MROH1: variants seen among roughly 807,000 people sequenced by gnomAD.
The protein encoded by MROH1 is maestro heat like repeat family member 1, also known as maestro heat-like repeat-containing protein family member 1.
MROH1 carries 117 observed loss-of-function variants against 116.5 expected under a neutral mutation model. That is an observed-to-expected ratio of 1.00 (90% CI 0.86 to 1.17). MROH1 has a LOEUF of 1.17. Ranked by LOEUF, MROH1 falls within the 50% of genes most tolerant of loss-of-function variation. The probability of loss-of-function intolerance (pLI) is 0.00; values close to 1 mark genes in which losing one functional copy is unlikely to be tolerated. For synonymous variants in MROH1, 921 were observed against 583.9 expected, an observed-to-expected ratio of 1.58 and a Z score of -8.32; for missense variants, 1,873 against 1,338.5, an observed-to-expected ratio of 1.40 and a Z score of -6.23.
In MROH1 at chr8:144,222,495, CGCAGGT is replaced by C. The variant is rs778037007; in HGVS notation, c.1216-600_1216-595del. On this transcript the variant is annotated intron_variant, in intron 13 of 43. Transcript: ENST00000326134. Reference sequence around the variant, plus strand: ...GGACAGAGAAAAAAGCAGACACAGGCGCAGGTGCAGGTGCAGGTACAGGTACATCCA... The same window carrying C: ...GGACAGAGAAAAAAGCAGACACAGGCGCAGGTGCAGGTACAGGTACATCCA... Among the ~76,000 whole-genome samples the C allele has an allele frequency of 5.3e-5, 8 of 152,084 alleles. 1 individual carries two copies. The South Asian group carries it at 1.2e-3, about 24-fold the overall frequency.
intron 1 of MROH1, among the ~76,000 whole-genome samples, chr8:144,153,194 ATTCC>A (rs1388750701): frequency 0.016 from 2,487 of 150,966 alleles, 66 homozygotes; most frequent in African/African-American, 0.057. Flanking sequence ...AATGACAGGA[ATTCC>A]TTCTTTTTTT....
intron 12 of MROH1, among the ~76,000 whole-genome samples, chr8:144,209,661 C>T (rs1833661689): frequency 6.6e-6 from 1 of 151,558 alleles, no homozygotes; most frequent in African/African-American, 2.4e-5. Context: ...GTAATCCTAG[C>T]ACTTTGGGAT....
rs1844930854 is a variant in MROH1, at chr8:144,260,987, G to A, written c.4617G>A (p.Gln1539=). The A allele has an allele frequency of 6.4e-6, 5 of 777,406 alleles. No homozygotes were observed. The highest frequency in any genetic ancestry group is 9.6e-6 in the Non-Finnish European group (4 of 417,722). The allele number at this position is 777,406 out of a possible 1,614,324, so 48.2% of individuals were successfully genotyped here. A position where few individuals can be genotyped will look rare whatever the true frequency, so the allele number is the denominator to read the frequency against. The part of the protein sequence containing the change: ...ELSAAFQKHL[Q]EGRALHFGEF... ...CAGCTGCTTTCCAGAAACACCTGCA[G>A]GAGGGCCGAGCCCTGCACTTCGGGG... Residue 1539 remains glutamine (Q), a synonymous_variant, in exon 41 of 44, where the codon CAG becomes CAA. Coordinates refer to ENST00000326134, the MANE Select transcript of MROH1 (RefSeq NM_032450.3).
intron 11 of MROH1, among the ~76,000 whole-genome samples, chr8:144,200,011 G>A (rs978340549): frequency 2.6e-5 from 4 of 152,208 alleles, no homozygotes; most frequent in African/African-American, 9.6e-5. Flanking sequence ...GGCTCCTGGA[G>A]CTTGGGCTGC....
intron 25 of MROH1, 40 bp downstream of exon 25, chr8:144,243,656 C>T (rs1841395943): frequency 1.3e-6 from 1 of 775,808 alleles, no homozygotes; most frequent in African/African-American, 1.7e-5. Context: ...CAGGCAGGTT[C>T]CTGGGAGACT....
chr8:144,229,170 T>G (rs1313370737), intron 14 of MROH1, among the ~76,000 whole-genome samples: 1 of 152,202 alleles, frequency 6.6e-6, no homozygotes, highest in Non-Finnish European at 1.5e-5. Context: ...CACTGATGTC[T>G]TGACCCTGTC....
At position 144,163,971 on chromosome 8, in the gene MROH1, C is replaced by A. The variant is rs998720014; in HGVS notation, c.22+123C>A. 6.9e-6 allele frequency: 7 copies of A among 1,009,452 alleles called. No homozygotes were observed. The highest frequency in any genetic ancestry group is 2.5e-5 in the Admixed American group (1 of 39,978). The allele number at this position is 1,009,452 out of a possible 1,614,324, so 62.5% of individuals were successfully genotyped here. ...AGAGTTTCCACCCTATACTCGGGAG[C>A]CTGAGTGGGTTCTGGGCAGGTTGGG... On this transcript the variant is annotated intron_variant, in intron 3 of 43. Coordinates refer to ENST00000326134, the MANE Select transcript of MROH1 (RefSeq NM_032450.3). The surrounding 1 kb of genome is among the most constrained non-coding windows in gnomAD (Gnocchi z 4.4).
chr8:144,198,995 A>G (rs1830512345), intron 10 of MROH1, 127 bp from the exon 11 acceptor site: 4 of 812,334 alleles, frequency 4.9e-6, no homozygotes, highest in Non-Finnish European at 6.1e-6. Flanking sequence ...CGCCCGCTGC[A>G]TGCTGTAGGC....
intron 14 of MROH1, among the ~76,000 whole-genome samples, chr8:144,233,731 C>T (rs566448872): frequency 1.3e-5 from 2 of 152,208 alleles, no homozygotes; most frequent in South Asian, 2.1e-4. Flanking sequence ...GTGCTTATCC[C>T]ACTTGTCCCT....
chr8:144,261,472 T>C (rs903783622), intron 43 of MROH1, 123 bp downstream of exon 43: 22 of 695,566 alleles, frequency 3.2e-5, no homozygotes, highest in Admixed American at 3.1e-4. Flanking sequence ...TCATCGTCTC[T>C]AGTAATTCAC....
At chr8:144,181,123 C>T (rs557315819) in intron 7 of MROH1, among the ~76,000 whole-genome samples, 2,049 of 152,268 alleles carry the variant, frequency 0.013, 37 homozygotes, top group African/African-American at 0.047. Flanking sequence ...CCCACGGCCT[C>T]GTGCTCCCGG....
At chr8:144,252,461 G>A (rs1842987335) in intron 33 of MROH1, 1 of 152,166 alleles carries the variant, frequency 6.6e-6, no homozygotes, top group Admixed American at 6.5e-5. Flanking sequence ...GAGGTCAGGA[G>A]ATCGAGACCA....
chr8:144,189,312 T>C (rs1172021185), intron 7 of MROH1, among the ~76,000 whole-genome samples: 1 of 152,150 alleles, frequency 6.6e-6, no homozygotes, highest in Non-Finnish European at 1.5e-5. Context: ...TCCCTTTGTG[T>C]TTCCTCCTCC....
intron 12 of MROH1, among the ~76,000 whole-genome samples, chr8:144,205,633 G>A (rs1832671257): frequency 6.6e-6 from 1 of 151,938 alleles, no homozygotes; most frequent in Non-Finnish European, 1.5e-5. Flanking sequence ...TCCCCCCCAG[G>A]TCCATAGAGT....
At chr8:144,179,792 A>G (rs1031067059) in intron 5 of MROH1, among the ~76,000 whole-genome samples, 12 of 152,154 alleles carry the variant, frequency 7.9e-5, no homozygotes, top group Admixed American at 3.3e-4. Flanking sequence ...TGAAGCAGAG[A>G]GCAAGTTGCC....
rs182378833 is a variant in MROH1, at chr8:144,223,499, C to G, written c.1338+269C>G. Reference sequence around the variant, plus strand: ...CAGGAGACCCTCCCGCCTCAGCCCCCCAAGACTACAGGCACATGCGTGCCT... The same window carrying G: ...CAGGAGACCCTCCCGCCTCAGCCCCGCAAGACTACAGGCACATGCGTGCCT... On this transcript the variant is annotated intron_variant, in intron 14 of 43. Coordinates refer to ENST00000326134, the MANE Select transcript of MROH1 (RefSeq NM_032450.3). 2.7e-3 allele frequency among the ~76,000 whole-genome samples: 410 copies of G among 152,290 alleles called. 3 individuals carry two copies. Among genetic ancestry groups the G allele is most frequent in the African/African-American group, 9.0e-3 (373 of 41,536 alleles).
intron 3 of MROH1, among the ~76,000 whole-genome samples, chr8:144,166,124 C>G (rs1342255885): frequency 6.6e-6 from 1 of 151,964 alleles, no homozygotes; most frequent in African/African-American, 2.4e-5. Context: ...GGGGATCCAC[C>G]CACCTTGGTC....
At chr8:144,261,080 G>C (rs1332904062) in intron 41 of MROH1, 34 bp from the exon 42 acceptor site, 2 of 774,576 alleles carry the variant, frequency 2.6e-6, no homozygotes, top group Middle Eastern at 3.2e-4. Flanking sequence ...TGGGTGGGGC[G>C]GGGCCAGGCG....
At chr8:144,204,008 C>T (rs1044637239) in intron 12 of MROH1, among the ~76,000 whole-genome samples, 8 of 152,156 alleles carry the variant, frequency 5.3e-5, no homozygotes, top group Non-Finnish European at 7.3e-5. Flanking sequence ...AATGCATGTA[C>T]GCAAGGAAAT....
Sources: allele counts gnomAD v4.1 joint callset (sites outside exome capture counted in the v4.1 genomes callset), GRCh38; gene constraint gnomAD v4.1.1; non-coding constraint Gnocchi (gnomAD v3.1); transcripts MANE v1.5; gene names NCBI Gene and HGNC (gene_info 2026-07-23, HGNC 2026-07-21).